The following RPL34 variants were observed in gnomAD, a reference collection of about 807,000 sequenced individuals.
The protein encoded by RPL34 is ribosomal protein L34, also known as large ribosomal subunit protein eL34.
In RPL34, 2 loss-of-function variants were observed where a neutral mutation model predicts 16.3. That is an observed-to-expected ratio of 0.12 (90% CI 0.05 to 0.39). RPL34 has a LOEUF of 0.39. Ranked by LOEUF, RPL34 falls within the 10% of genes least tolerant of loss-of-function variation. The pLI, the probability that RPL34 is intolerant of heterozygous loss-of-function variation, is 0.99. For missense variants in RPL34, 82 were observed against 148.8 expected (o/e 0.55, Z 2.33); for synonymous variants, 47 against 48.5 (o/e 0.97, Z 0.13).
Position 108,620,586 on chromosome 4 carries a change from G to T in RPL34, c.-24G>T. On this transcript the variant is annotated 5_prime_UTR_variant, in exon 1 of 5. Coordinates refer to ENST00000394667, the MANE Select transcript of RPL34 (RefSeq NM_001319236.2). ...AAAGGCTTTTTTCTTCCTCTTCCGG[G>T]GACGTTGTCTGCAGGTATGGATGTT... 1 of 315,000 alleles carries T rather than the reference G, an allele frequency of 3.2e-6. No homozygotes were observed. Among genetic ancestry groups the T allele is most frequent in the South Asian group, 2.5e-5 (1 of 39,402 alleles). The allele number at this position is 315,000 out of a possible 1,614,324, so 19.5% of individuals were successfully genotyped here.
At chr4:108,627,016 G>A (rs1419981494), downstream of RPL34, among the ~76,000 whole-genome samples, 1 of 152,122 alleles carries the variant, frequency 6.6e-6, no homozygotes, top group Non-Finnish European at 1.5e-5. Context: ...AAGGCGGGCG[G>A]ATCATGAGGT....
chr4:108,625,460 A>G (rs1166323793), downstream of RPL34: 1 of 336,182 alleles, frequency 3.0e-6, no homozygotes, highest in African/African-American at 2.1e-5. Context: ...ATCTCGGCTC[A>G]CCGCACCCTC....
chr4:108,622,427 C>T (rs1437985887), intron 3 of RPL34, 88 bp from the exon 4 acceptor site: 4 of 973,188 alleles, frequency 4.1e-6, no homozygotes, highest in Admixed American at 1.9e-5. Context: ...CCTTTGTAAC[C>T]TACTTTAAAC....
intron 4 of RPL34, chr4:108,622,842 T>G (rs1197151726): frequency 4.9e-6 from 2 of 411,736 alleles, no homozygotes; most frequent in Non-Finnish European, 8.6e-6. Flanking sequence ...GGAACTTGGT[T>G]TTGTTCAGGA....
chr4:108,627,544 A>G (rs1231666434), downstream of RPL34, among the ~76,000 whole-genome samples: 1 of 152,120 alleles, frequency 6.6e-6, no homozygotes, highest in African/African-American at 2.4e-5. Context: ...AGTAAGTGGC[A>G]AAGCTGGCAG....
chr4:108,625,791 G>A (rs116040966), downstream of RPL34, among the ~76,000 whole-genome samples: 212 of 152,296 alleles, frequency 1.4e-3, no homozygotes, highest in African/African-American at 4.6e-3. Flanking sequence ...CTCTTTGTGG[G>A]CTGAGACTTC....
chr4:108,629,484 C>T (rs943076351), downstream of RPL34, among the ~76,000 whole-genome samples: 3 of 151,690 alleles, frequency 2.0e-5, no homozygotes. Flanking sequence ...AGAGCATTGA[C>T]GGGTGTGAAC....
chr4:108,628,658 A>G (rs1313120796), downstream of RPL34, among the ~76,000 whole-genome samples: 2 of 152,192 alleles, frequency 1.3e-5, no homozygotes, highest in African/African-American at 4.8e-5. Context: ...AAAATATGAA[A>G]TGGGTGACCT....
chr4:108,629,799 TA>T (rs1726120359), downstream of RPL34, among the ~76,000 whole-genome samples: 1 of 152,212 alleles, frequency 6.6e-6, no homozygotes, highest in Non-Finnish European at 1.5e-5. Context: ...AGCAACTTAA[TA>T]ACATCCTATA....
At chr4:108,622,905 G>A (rs1450457729) in intron 4 of RPL34, 2 of 293,402 alleles carry the variant, frequency 6.8e-6, no homozygotes, top group Non-Finnish European at 1.3e-5. Flanking sequence ...ATGGAGTGTG[G>A]AAGGTGTTAA....
chr4:108,627,690 C>T (rs1240657084), downstream of RPL34, among the ~76,000 whole-genome samples: 1 of 151,928 alleles, frequency 6.6e-6, no homozygotes, highest in Admixed American at 6.6e-5. Context: ...GGTGAAACCC[C>T]GTCTCTACTA....
chr4:108,627,161 C>T (rs770032287), downstream of RPL34, among the ~76,000 whole-genome samples: 7 of 151,984 alleles, frequency 4.6e-5, no homozygotes, highest in Non-Finnish European at 7.4e-5. Context: ...ATTGCTTGAA[C>T]CCGGGAGGCA....
intron 3 of RPL34, 32 bp downstream of exon 3, chr4:108,622,236 C>G: frequency 6.9e-7 from 1 of 1,452,838 alleles, no homozygotes; most frequent in Non-Finnish European, 9.6e-7. Flanking sequence ...TGCAGCCTAA[C>G]AAGTCTTGAA....
chr4:108,627,599 C>T (rs554396618), downstream of RPL34, among the ~76,000 whole-genome samples: 6 of 151,844 alleles, frequency 4.0e-5, no homozygotes, highest in Non-Finnish European at 5.9e-5. Context: ...CGGTGGCTCA[C>T]GCCTGTAATC....
Position 108,620,603 on chromosome 4 carries a change from A to C in RPL34, c.-10+3A>C, listed in dbSNP as rs551159082. The stretch of plus-strand genomic sequence containing the variant: ...TCTTCCGGGGACGTTGTCTGCAGGT[A>C]TGGATGTTGTTCTCTTTTCCCTGTC... On this transcript the variant is annotated splice_donor_region_variant and intron_variant, in intron 1 of 4. Transcript: ENST00000394667. 3.2e-6 allele frequency: 1 copy of C among 308,042 alleles called. No homozygotes were observed. Among genetic ancestry groups the C allele is most frequent in the Non-Finnish European group, 6.6e-6 (1 of 152,566 alleles). 19.1% of individuals were successfully genotyped at this position (308,042 alleles called of 1,614,324 possible).
At chr4:108,628,657 A>T (rs1726090497), downstream of RPL34, among the ~76,000 whole-genome samples, 1 of 152,148 alleles carries the variant, frequency 6.6e-6, no homozygotes, top group South Asian at 2.1e-4. Context: ...CAAAATATGA[A>T]ATGGGTGACC....
downstream of RPL34, among the ~76,000 whole-genome samples, chr4:108,627,295 G>A (rs897413556): frequency 6.6e-6 from 1 of 152,032 alleles, no homozygotes; most frequent in Non-Finnish European, 1.5e-5. Context: ...TATAGTCCCA[G>A]TCTCAACACT....
At chr4:108,629,314 C>G (rs1445775548), downstream of RPL34, among the ~76,000 whole-genome samples, 1 of 152,154 alleles carries the variant, frequency 6.6e-6, no homozygotes, top group Non-Finnish European at 1.5e-5. Flanking sequence ...AATTTACATG[C>G]TATAATTTAG....
chr4:108,628,685 AGTT>A (rs1346730031), downstream of RPL34, among the ~76,000 whole-genome samples: 14 of 152,322 alleles, frequency 9.2e-5, no homozygotes, highest in African/African-American at 2.9e-4. Flanking sequence ...AATGTAAGGA[AGTT>A]AAAGAATTGA....
Sources: gnomAD v4.1 joint callset for allele counts (sites outside exome capture counted in the v4.1 genomes callset) on GRCh38, gnomAD v4.1.1 for gene constraint, MANE v1.5 for transcripts, NCBI Gene and HGNC (gene_info 2026-07-23, HGNC 2026-07-21) for gene names.